Variants in WWOX observed in about 807,000 individuals in gnomAD.
WWOX encodes WW domain containing oxidoreductase, also known as WW domain-containing oxidoreductase.
Under a neutral mutation model 46.2 loss-of-function variants are expected in WWOX, and 69 were observed. That is an observed-to-expected ratio of 1.49 (90% CI 1.23 to 1.82). The LOEUF is 1.82. Ranked by LOEUF, WWOX falls within the 40% of genes most tolerant of loss-of-function variation. The pLI is 0.00. For synonymous variants in WWOX, 359 were observed against 202.6 expected (o/e 1.77, Z -6.56); for missense variants, 919 against 542.6 (o/e 1.69, Z -6.89).
At chr16:78,672,572 A>G (rs2142207373) in intron 8 of WWOX, among the ~76,000 whole-genome samples, 1 of 152,344 alleles carries the variant, frequency 6.6e-6, no homozygotes, top group South Asian at 2.1e-4. Flanking sequence ...TTGCATCTCC[A>G]AACTGTGCCT....
intron 8 of WWOX, among the ~76,000 whole-genome samples, chr16:78,743,016 AC>A (rs1412057698): frequency 1.4e-5 from 2 of 145,944 alleles, no homozygotes; most frequent in East Asian, 3.9e-4. Flanking sequence ...TACAGTCCCA[AC>A]CCTTACTGCA....
chr16:78,995,155 G>C (rs1404357756), intron 8 of WWOX, among the ~76,000 whole-genome samples: 1 of 151,892 alleles, frequency 6.6e-6, no homozygotes, highest in Admixed American at 6.6e-5. Flanking sequence ...TTAGCTGGCT[G>C]GGAAGTAGCA....
intron 8 of WWOX, among the ~76,000 whole-genome samples, chr16:78,456,763 A>G (rs62034100): frequency 0.016 from 2,428 of 152,372 alleles, 25 homozygotes; most frequent in South Asian, 0.027. Flanking sequence ...ATGTGTAAAA[A>G]TTATCATGCC....
intron 6 of WWOX, among the ~76,000 whole-genome samples, chr16:78,398,556 C>G (rs979003409): frequency 1.3e-5 from 2 of 152,118 alleles, no homozygotes; most frequent in African/African-American, 4.8e-5. Context: ...ATTTTTTGGA[C>G]CATCAGCAAC....
chr16:78,766,643 A>G (rs1034415371), intron 8 of WWOX, among the ~76,000 whole-genome samples: 2 of 152,176 alleles, frequency 1.3e-5, no homozygotes, highest in African/African-American at 4.8e-5. Flanking sequence ...GCTCTCTCCA[A>G]AGTTTTTAAG....
At chr16:78,478,317 C>G (rs373978968) in intron 8 of WWOX, among the ~76,000 whole-genome samples, 1 of 152,158 alleles carries the variant, frequency 6.6e-6, no homozygotes, top group East Asian at 1.9e-4. Context: ...TCTTCTCAGA[C>G]GGTTTAAAAT....
At chr16:78,485,847 G>A (rs927163104) in intron 8 of WWOX, among the ~76,000 whole-genome samples, 22 of 152,140 alleles carry the variant, frequency 1.4e-4, no homozygotes, top group Admixed American at 1.4e-3. Context: ...CTTATTTTGC[G>A]AGCCTTATTC....
chr16:78,255,128 G>A (rs2038093553), intron 5 of WWOX, among the ~76,000 whole-genome samples: 1 of 152,118 alleles, frequency 6.6e-6, no homozygotes, highest in African/African-American at 2.4e-5. Flanking sequence ...CTTTTCCAAG[G>A]CCTCTGATTT....
At chr16:78,910,224 G>T in intron 8 of WWOX, among the ~76,000 whole-genome samples, 1 of 152,192 alleles carries the variant, frequency 6.6e-6, no homozygotes, top group East Asian at 1.9e-4. Context: ...GTCACTTCAA[G>T]GGGGAGATTT....
intron 8 of WWOX, among the ~76,000 whole-genome samples, chr16:78,555,566 C>T (rs1317530605): frequency 6.7e-6 from 1 of 148,742 alleles, no homozygotes; most frequent in African/African-American, 2.5e-5. Context: ...GTACCACATT[C>T]CCCACTAAAG....
intron 8 of WWOX, among the ~76,000 whole-genome samples, chr16:78,567,293 C>G (rs1044377646): frequency 6.6e-6 from 1 of 152,018 alleles, no homozygotes; most frequent in Non-Finnish European, 1.5e-5. Flanking sequence ...CGCCTGTAAT[C>G]CCAGCACTTT....
chr16:78,515,849 A>G lies in WWOX; in HGVS notation c.1056+83097A>G, dbSNP rs192978465. Among the ~76,000 whole-genome samples, 49 of 152,270 alleles carry G rather than the reference A, an allele frequency of 3.2e-4. No individual in the cohort carries two copies. In the East Asian group the frequency reaches 7.2e-3, roughly 22 times the overall value. On this transcript the variant is annotated intron_variant, in intron 8 of 8. Transcript: ENST00000566780. ...TTAAAAAAAGCAATAACATTCTCCAATCTTGGCAGTCTGGCAAGGTAGAAA... is the reference window on the plus strand; with the variant it reads ...TTAAAAAAAGCAATAACATTCTCCAGTCTTGGCAGTCTGGCAAGGTAGAAA...
intron 8 of WWOX, among the ~76,000 whole-genome samples, chr16:79,188,751 G>T (rs905629620): frequency 2.0e-5 from 3 of 152,142 alleles, no homozygotes; most frequent in Non-Finnish European, 2.9e-5. Flanking sequence ...TTATTTCCAA[G>T]TTCTCCTCGA....
intron 8 of WWOX, among the ~76,000 whole-genome samples, chr16:78,681,403 C>CA (rs1172274981): frequency 1.3e-5 from 2 of 151,908 alleles, no homozygotes; most frequent in African/African-American, 4.8e-5. Flanking sequence ...GACTCTGTCT[C>CA]AAAAAACCAA....
At chr16:79,048,133 C>G (rs942536312) in intron 8 of WWOX, among the ~76,000 whole-genome samples, 2 of 152,158 alleles carry the variant, frequency 1.3e-5, no homozygotes, top group African/African-American at 4.8e-5. Flanking sequence ...AAATCATTTT[C>G]TATTTCATGG....
At chr16:78,740,693 G>A (rs535684310) in intron 8 of WWOX, among the ~76,000 whole-genome samples, 189 of 152,256 alleles carry the variant, frequency 1.2e-3, no homozygotes, top group Non-Finnish European at 2.0e-3. Context: ...CCAGTTGGCC[G>A]ATTGAAGCGC....
At chr16:78,338,917 C>A (rs1331746570) in intron 5 of WWOX, among the ~76,000 whole-genome samples, 1 of 120,904 alleles carries the variant, frequency 8.3e-6, no homozygotes, top group East Asian at 1.9e-4. Flanking sequence ...CCCTCAGCAT[C>A]AACTTCTTCT....
intron 6 of WWOX, among the ~76,000 whole-genome samples, chr16:78,415,790 C>T (rs1035034696): frequency 2.6e-5 from 4 of 152,138 alleles, no homozygotes. Context: ...AATCTTGGCC[C>T]ATTGTCACTC....
chr16:78,121,655 G>A (rs2033098925), intron 4 of WWOX, among the ~76,000 whole-genome samples: 1 of 151,192 alleles, frequency 6.6e-6, no homozygotes, highest in Non-Finnish European at 1.5e-5. Flanking sequence ...CCCCTTATCC[G>A]TGGTGTTTCA....
Sources: gnomAD v4.1 joint callset for allele counts (sites outside exome capture counted in the v4.1 genomes callset) on GRCh38, gnomAD v4.1.1 for gene constraint, MANE v1.5 for transcripts, NCBI Gene and HGNC (gene_info 2026-07-23, HGNC 2026-07-21) for gene names.